CDH17: variants seen among roughly 807,000 people sequenced by gnomAD.
CDH17 encodes the protein cadherin 17, also known as cadherin-17.
Under a neutral mutation model 86.3 loss-of-function variants are expected in CDH17, and 67 were observed. That is an observed-to-expected ratio of 0.78 (90% CI 0.64 to 0.95). The LOEUF (loss-of-function observed/expected upper bound fraction) is 0.95. Ranked by LOEUF, CDH17 falls within the 40% of genes least tolerant of loss-of-function variation. The pLI is 0.00. For missense variants in CDH17, 993 were observed against 1,017.6 expected (o/e 0.98, Z 0.33); for synonymous variants, 367 against 366.4 (o/e 1.00, Z -0.02).
intron 16 of CDH17, 33 bp downstream of exon 16, chr8:94,130,843 A>G: frequency 4.6e-6 from 7 of 1,517,388 alleles, no homozygotes; most frequent in Non-Finnish European, 6.4e-6. Context: ...GGTGACAGAT[A>G]CTAGCCTGAG....
intron 14 of CDH17, 61 bp downstream of exon 14, chr8:94,148,683 C>A (rs1466756419): frequency 9.3e-6 from 13 of 1,395,082 alleles, no homozygotes; most frequent in Middle Eastern, 3.8e-4. Context: ...CCCATTTCAA[C>A]CCATGTATCT....
chr8:94,194,468 G>A (rs752235453), intron 2 of CDH17, among the ~76,000 whole-genome samples, 167 bp downstream of exon 2: 19 of 152,158 alleles, frequency 1.2e-4, no homozygotes, highest in Admixed American at 9.2e-4. Flanking sequence ...CCATTTCATC[G>A]AAAATATCAC....
chr8:94,173,424 C>T (rs1478079952), intron 7 of CDH17, among the ~76,000 whole-genome samples: 1 of 152,146 alleles, frequency 6.6e-6, no homozygotes, highest in Non-Finnish European at 1.5e-5. Flanking sequence ...ATATGATGCT[C>T]CTGCTCCCCC....
At chr8:94,151,658 C>T (rs956356183) in intron 13 of CDH17, among the ~76,000 whole-genome samples, 3 of 152,320 alleles carry the variant, frequency 2.0e-5, no homozygotes, top group African/African-American at 7.2e-5. Flanking sequence ...ATGCTGCTTC[C>T]CACTTGTCTG....
intron 1 of CDH17, among the ~76,000 whole-genome samples, chr8:94,198,685 G>A (rs1472817740): frequency 1.3e-5 from 2 of 152,116 alleles, no homozygotes; most frequent in South Asian, 4.2e-4. Context: ...CACCCAGATG[G>A]ACTTTGCACC....
intron 5 of CDH17, among the ~76,000 whole-genome samples, chr8:94,175,750 G>A (rs527408969): frequency 6.6e-6 from 1 of 152,122 alleles, no homozygotes; most frequent in South Asian, 2.1e-4. Context: ...CAGATGGGAT[G>A]TAAGAGAAGA....
At chr8:94,213,074 G>A (rs185838494), upstream of CDH17, among the ~76,000 whole-genome samples, 269 of 152,258 alleles carry the variant, frequency 1.8e-3, 1 homozygote, top group African/African-American at 5.8e-3. Flanking sequence ...CTTCCTGGGC[G>A]TAAGTAATCC....
intron 9 of CDH17, among the ~76,000 whole-genome samples, chr8:94,166,700 G>C (rs1025373549): frequency 6.6e-6 from 1 of 152,152 alleles, no homozygotes; most frequent in East Asian, 1.9e-4. Flanking sequence ...AATCATCCTG[G>C]ATTTAGAGGC....
intron 10 of CDH17, among the ~76,000 whole-genome samples, chr8:94,162,686 A>G (rs915331638): frequency 1.3e-5 from 2 of 152,174 alleles, no homozygotes; most frequent in African/African-American, 4.8e-5. Context: ...TGGCCTGTTC[A>G]CAAGAGTCTG....
intron 15 of CDH17, among the ~76,000 whole-genome samples, chr8:94,143,028 G>C (rs541775017): frequency 1.3e-5 from 2 of 152,282 alleles, no homozygotes; most frequent in African/African-American, 4.8e-5. Context: ...ATCTAAACTG[G>C]TGAATCATTT....
chr8:94,166,073 T>C, intron 9 of CDH17, 97 bp from the exon 10 acceptor site: 1 of 693,012 alleles, frequency 1.4e-6, no homozygotes, highest in Non-Finnish European at 2.5e-6. Context: ...GAAAACACCA[T>C]GAATAACTTT....
intron 1 of CDH17, among the ~76,000 whole-genome samples, chr8:94,200,568 T>TAAAAAAAAAAAAAAAAAAAAAAAAAAAA (rs1813891289): frequency 1.1e-5 from 1 of 93,024 alleles, no homozygotes; most frequent in Non-Finnish European, 2.1e-5. Flanking sequence ...TTTTTTTTTT[T>TAAAAAAAAAAAAAAAAAAAAAAAAAAAA]ACAAAAAAAG....
chr8:94,151,425 T>C (rs1257134574), intron 13 of CDH17, among the ~76,000 whole-genome samples: 1 of 152,218 alleles, frequency 6.6e-6, no homozygotes, highest in East Asian at 1.9e-4. Flanking sequence ...ATCCAGAAGA[T>C]TCCCTCAGCC....
chr8:94,194,115 G>A (rs746565503), intron 2 of CDH17, among the ~76,000 whole-genome samples: 5 of 152,108 alleles, frequency 3.3e-5, no homozygotes, highest in Admixed American at 1.3e-4. Flanking sequence ...ATCCAGCTCC[G>A]AGCTCTAGAA....
At chr8:94,182,306 GAAA>G (rs1213049964) in intron 3 of CDH17, among the ~76,000 whole-genome samples, 1 of 151,946 alleles carries the variant, frequency 6.6e-6, no homozygotes, top group Non-Finnish European at 1.5e-5. Flanking sequence ...ACCCAAACCA[GAAA>G]AAAGTCAATG....
At chr8:94,171,769 G>A (rs982316442) in intron 7 of CDH17, among the ~76,000 whole-genome samples, 3 of 152,108 alleles carry the variant, frequency 2.0e-5, no homozygotes, top group Admixed American at 2.0e-4. Context: ...AAATTTAAGC[G>A]ACTTGCCCAA....
At chr8:94,173,220 C>G (rs1440494660) in intron 7 of CDH17, among the ~76,000 whole-genome samples, 1 of 152,124 alleles carries the variant, frequency 6.6e-6, no homozygotes, top group Non-Finnish European at 1.5e-5. Context: ...CCCTCCAAAT[C>G]TCATGTTGAA....
intron 1 of CDH17, among the ~76,000 whole-genome samples, chr8:94,199,075 ATATATATAT>A (rs1273537547): frequency 4.7e-3 from 47 of 9,916 alleles, no homozygotes; most frequent in East Asian, 9.1e-3. Flanking sequence ...ATATATATAT[ATATATATAT>A]TTTTTTTTTT....
chr8:94,161,328 C>G (rs558077010), intron 11 of CDH17, among the ~76,000 whole-genome samples: 1 of 152,198 alleles, frequency 6.6e-6, no homozygotes, highest in Non-Finnish European at 1.5e-5. Context: ...CAATTCCCTT[C>G]TTTGTTGCAG....
Sources: allele counts gnomAD v4.1 joint callset (sites outside exome capture counted in the v4.1 genomes callset), GRCh38; gene constraint gnomAD v4.1.1; transcripts MANE v1.5; gene names NCBI Gene and HGNC (gene_info 2026-07-23, HGNC 2026-07-21).